IQANK1: variants seen among roughly 807,000 people sequenced by gnomAD.
IQANK1 encodes IQ motif and ankyrin repeat domain-containing protein 1.
A neutral mutation model predicts 22.6 loss-of-function variants in IQANK1; 30 were observed. That is an observed-to-expected ratio of 1.33 (90% confidence interval 0.99 to 1.80). The LOEUF is 1.80. Among genes scored for constraint, IQANK1 ranks in the 40% most tolerant of loss-of-function variants. IQANK1 has a pLI of 0.00. For missense variants in IQANK1, 275 were observed against 235.2 expected (o/e 1.17, Z -1.11); for synonymous variants, 122 against 99.6 (o/e 1.23, Z -1.34).
At chr8:143,767,948 A>G (rs1421577594) in intron 3 of IQANK1, among the ~76,000 whole-genome samples, 20 of 129,800 alleles carry the variant, frequency 1.5e-4, no homozygotes, top group Middle Eastern at 4.3e-3. Flanking sequence ...CAGTGGCTCA[A>G]TCTTGGCTCA....
At chr8:143,775,822 A>ACACACACACC (rs782475548) in intron 7 of IQANK1, among the ~76,000 whole-genome samples, 2 of 140,190 alleles carry the variant, frequency 1.4e-5, no homozygotes, top group East Asian at 1.9e-4. Context: ...ACACACACAC[A>ACACACACACC]CCATTCCTAA....
intron 3 of IQANK1, among the ~76,000 whole-genome samples, chr8:143,748,949 CTATA>C (rs1329739994): frequency 4.8e-5 from 5 of 104,624 alleles, no homozygotes; most frequent in African/African-American, 1.2e-4. Context: ...ATACATATAT[CTATA>C]TATAAATATA....
At chr8:143,784,046 A>G (rs1214404712) in intron 7 of IQANK1, among the ~76,000 whole-genome samples, 1 of 152,132 alleles carries the variant, frequency 6.6e-6, no homozygotes, top group Non-Finnish European at 1.5e-5. Context: ...TGGGTTTTGG[A>G]AAGTTCTCAG....
chr8:143,775,820 ACAC>A lies in IQANK1; in HGVS notation c.789+3341_789+3343del, dbSNP rs1277862517. On this transcript the variant is annotated intron_variant, in intron 7 of 13. Coordinates refer to ENST00000527139, the MANE Select transcript of IQANK1 (RefSeq NM_001381874.1). ...CACACACACACACACACACACACAC[ACAC>A]CATTCCTAAACTAGAGATGAAAACT... 4.6e-3 allele frequency among the ~76,000 whole-genome samples: 664 copies of A among 142,816 alleles called. 4 individuals are homozygous for A. The highest frequency in any genetic ancestry group is 0.019 in the African/African-American group (625 of 33,338). 93.7% of individuals were successfully genotyped at this position (142,816 alleles called of 152,430 possible).
intron 3 of IQANK1, among the ~76,000 whole-genome samples, chr8:143,749,336 T>C (rs1312532939): frequency 5.2e-4 from 2 of 3,818 alleles, no homozygotes; most frequent in Admixed American, 4.6e-3. Flanking sequence ...ATATATAAAA[T>C]ATATAAAAAC....
chr8:143,779,466 T>C (rs1326210980), intron 7 of IQANK1, among the ~76,000 whole-genome samples: 1 of 152,262 alleles, frequency 6.6e-6, no homozygotes, highest in Admixed American at 6.5e-5. Context: ...ATCCATTCTT[T>C]ACACTCATTC....
intron 3 of IQANK1, among the ~76,000 whole-genome samples, chr8:143,767,345 AGTGTGT>A (rs201610376): frequency 6.6e-6 from 1 of 151,380 alleles, no homozygotes; most frequent in Non-Finnish European, 1.5e-5. Context: ...ATGTTTTATG[AGTGTGT>A]GTGTGTGTGT....
Position 143,771,774 on chromosome 8 carries a change from G to T in IQANK1, c.307-27G>T. On this transcript the variant is annotated intron_variant, in intron 4 of 13. Transcript: ENST00000527139. The surrounding 1 kb of genome is among the most constrained non-coding windows in gnomAD (Gnocchi z 6.0). ...GGCTCGGGGCGGTGGCGCGGAGTGG[G>T]CGGTGACTTCGGCGGGCGCCTCCCA... 1 of 397,510 alleles carries T rather than the reference G, an allele frequency of 2.5e-6. No individual in the cohort carries two copies. 24.6% of individuals were successfully genotyped at this position (397,510 alleles called of 1,614,324 possible). A position where few individuals can be genotyped will look rare whatever the true frequency, so the allele number is the denominator to read the frequency against.
intron 3 of IQANK1, among the ~76,000 whole-genome samples, chr8:143,746,567 G>A (rs1554627216): frequency 6.6e-6 from 1 of 152,004 alleles, no homozygotes; most frequent in East Asian, 1.9e-4. Context: ...ATTTTTTGTA[G>A]AGATGGGTTC....
intron 10 of IQANK1, 45 bp downstream of exon 10, chr8:143,789,573 C>T: frequency 8.1e-7 from 1 of 1,231,890 alleles, no homozygotes; most frequent in Non-Finnish European, 1.0e-6. Flanking sequence ...GTCCTCAACA[C>T]CCCTCCTTGT....
At chr8:143,765,076 C>A (rs1409117620) in intron 3 of IQANK1, among the ~76,000 whole-genome samples, 1 of 152,104 alleles carries the variant, frequency 6.6e-6, no homozygotes, top group Non-Finnish European at 1.5e-5. Flanking sequence ...TATAGCCGCG[C>A]CGGGTTTGTT....
At chr8:143,786,114 C>T (rs574772661) in intron 7 of IQANK1, among the ~76,000 whole-genome samples, 26 of 152,198 alleles carry the variant, frequency 1.7e-4, no homozygotes, top group Admixed American at 2.6e-4. Flanking sequence ...CTGCATGCCT[C>T]AGCCTCCCAA....
intron 3 of IQANK1, among the ~76,000 whole-genome samples, chr8:143,766,986 A>G (rs558672307): frequency 2.0e-5 from 3 of 152,346 alleles, no homozygotes; most frequent in South Asian, 2.1e-4. Flanking sequence ...GGAAGTGCCC[A>G]TATGCCCGGG....
At chr8:143,738,846 C>A (rs758118546) in intron 2 of IQANK1, among the ~76,000 whole-genome samples, 11 of 152,226 alleles carry the variant, frequency 7.2e-5, no homozygotes, top group Non-Finnish European at 1.0e-4. Context: ...CCCAGCTGGC[C>A]ATGGGAACCC....
At chr8:143,743,851 T>A in intron 3 of IQANK1, 1 of 431,876 alleles carries the variant, frequency 2.3e-6, no homozygotes. Flanking sequence ...TTTTTCTTTT[T>A]TTTTTGAGAT....
chr8:143,750,244 C>T (rs1053482892), intron 3 of IQANK1, among the ~76,000 whole-genome samples: 34 of 152,208 alleles, frequency 2.2e-4, no homozygotes, highest in Admixed American at 1.0e-3. Context: ...GTGATCCGCC[C>T]GCCTCAGCCT....
At chr8:143,769,664 C>T (rs1819537991) in intron 3 of IQANK1, among the ~76,000 whole-genome samples, 1 of 152,230 alleles carries the variant, frequency 6.6e-6, no homozygotes, top group Non-Finnish European at 1.5e-5. Flanking sequence ...TTGCTCTGGG[C>T]CAGGCCAGGC....
rs1554625610 is a variant in IQANK1 at position 143,735,936 on chromosome 8, C to T, written c.83C>T (p.Ala28Val). The T allele has an allele frequency of 1.4e-6, 1 of 702,484 alleles. No individual in the cohort carries two copies. The highest frequency in any genetic ancestry group is 1.7e-5 in the African/African-American group (1 of 57,208). 43.5% of individuals were successfully genotyped at this position (702,484 alleles called of 1,614,324 possible). A position where few individuals can be genotyped will look rare whatever the true frequency, so the allele number is the denominator to read the frequency against. ...LHPGPKTRAA[A>V]GKPGENRPPQ... The stretch of plus-strand genomic sequence containing the variant: ...CCTGGGCCCAAGACAAGAGCTGCTG[C>T]TGGTAAGTGCACCCTCTGACCTCCA... Residue 28 changes from alanine to valine, a missense_variant and splice_region_variant, in exon 2 of 14, where the codon GCT becomes GTT. By Grantham distance (64) the Ala-to-Val change is moderately conservative. Transcript: ENST00000527139. The surrounding 1 kb of genome is among the most constrained non-coding windows in gnomAD (Gnocchi z 5.2).
chr8:143,780,800 T>G, intron 7 of IQANK1, among the ~76,000 whole-genome samples: 1 of 152,228 alleles, frequency 6.6e-6, no homozygotes, highest in African/African-American at 2.4e-5. Context: ...CGTGCATGTG[T>G]CTTTATGGTA....
Sources: allele counts gnomAD v4.1 joint callset (sites outside exome capture counted in the v4.1 genomes callset), GRCh38; gene constraint gnomAD v4.1.1; non-coding constraint Gnocchi (gnomAD v3.1); transcripts MANE v1.5; gene names NCBI Gene and HGNC (gene_info 2026-07-23, HGNC 2026-07-21).